KCNQ4: variants seen among roughly 807,000 people sequenced by gnomAD.
KCNQ4 encodes the protein potassium voltage-gated channel subfamily Q member 4.
Under a neutral mutation model 72.6 loss-of-function variants are expected in KCNQ4, and 31 were observed. The observed-to-expected ratio is 0.43, with a 90% CI of 0.32 to 0.58. The LOEUF is 0.58. KCNQ4 is among the 20% of genes least tolerant of loss of function. KCNQ4 has a pLI of 0.08. For synonymous variants in KCNQ4, 405 were observed against 403.7 expected (o/e 1.00, Z -0.04); for missense variants, 869 against 962.6 (o/e 0.90, Z 1.29).
chr1:40,787,403 G>A (rs924715336), intron 1 of KCNQ4, among the ~76,000 whole-genome samples: 16 of 152,318 alleles, frequency 1.1e-4, no homozygotes, highest in Admixed American at 2.0e-4. Flanking sequence ...GGCTCAGGAA[G>A]GAGGGAGCTG....
chr1:40,802,355 C>T (rs1280183194), intron 1 of KCNQ4, among the ~76,000 whole-genome samples: 2 of 152,162 alleles, frequency 1.3e-5, no homozygotes, highest in Non-Finnish European at 2.9e-5. Context: ...CCTTTCAGGC[C>T]GCCGCGTTTT....
chr1:40,819,931 G>A lies in KCNQ4; in HGVS notation c.891G>A (p.Arg297=), dbSNP rs797044971. The part of the protein sequence containing the change: ...GDKTPHTWLG[R]VLAAGFALLG... The stretch of plus-strand genomic sequence containing the variant: ...AGACACCGCACACATGGCTGGGCAG[G>A]GTCCTGGCTGCTGGCTTCGCCTTAC... The change falls in exon 6 of 14, where the codon AGG becomes AGA. Residue 297 remains arginine, a synonymous_variant. Coordinates refer to ENST00000347132, the MANE Select transcript of KCNQ4 (RefSeq NM_004700.4). 6.2e-7 allele frequency: 1 copy of A among 1,614,100 alleles called. No homozygotes were observed. Among genetic ancestry groups the A allele is most frequent in the Non-Finnish European group, 8.5e-7 (1 of 1,180,042 alleles).
intron 9 of KCNQ4, among the ~76,000 whole-genome samples, chr1:40,828,771 C>T (rs991728200): frequency 3.9e-5 from 6 of 152,214 alleles, no homozygotes; most frequent in Non-Finnish European, 1.5e-5. Flanking sequence ...GGTTTTCTTC[C>T]ACCTTCTTTT....
Position 40,831,094 on chromosome 1 carries a change from G to T in KCNQ4, c.1303G>T (p.Gly435Cys). 6.3e-7 allele frequency: 1 copy of T among 1,593,508 alleles called. No individual in the cohort carries two copies. Among genetic ancestry groups the T allele is most frequent in the Non-Finnish European group, 8.5e-7 (1 of 1,169,872 alleles). Reference protein sequence around the residue: ...SFCPGESSRMGIKDRIRMGSS... With the variant: ...SFCPGESSRMCIKDRIRMGSS... ...TGCCTGCCCTGCCAGCAGCCGGATG[G>T]GCATCAAAGACCGCATCCGCATGGG... Residue 435 changes from glycine (G) to cysteine (C), a missense_variant, in exon 10 of 14, where the codon GGC becomes TGC. This residue lies in a region of KCNQ4 where 480 missense variants were observed against 501.9 expected (regional missense o/e 0.96). Transcript: ENST00000347132.
At chr1:40,793,004 C>CTTTTTTTTTTTTTT (rs10549805) in intron 1 of KCNQ4, among the ~76,000 whole-genome samples, 5 of 109,072 alleles carry the variant, frequency 4.6e-5, no homozygotes, top group Non-Finnish European at 8.9e-5. Flanking sequence ...TTCTTTCTTT[C>CTTTTTTTTTTTTTT]TTTTTTTTTT....
chr1:40,803,074 T>C (rs1009029901), intron 1 of KCNQ4, among the ~76,000 whole-genome samples: 11 of 152,318 alleles, frequency 7.2e-5, no homozygotes, highest in Admixed American at 4.6e-4. Flanking sequence ...GAAGTTCTGC[T>C]TATCATTATT....
At chr1:40,833,845 A>T (rs967690243) in intron 11 of KCNQ4, among the ~76,000 whole-genome samples, 2 of 151,514 alleles carry the variant, frequency 1.3e-5, no homozygotes, top group Non-Finnish European at 2.9e-5. Context: ...AAAAAAAAAA[A>T]AAAAAATTAA....
intron 1 of KCNQ4, among the ~76,000 whole-genome samples, chr1:40,800,550 C>T (rs1488600255): frequency 6.6e-6 from 1 of 152,236 alleles, no homozygotes; most frequent in Non-Finnish European, 1.5e-5. Context: ...CACCCACCCA[C>T]CTACCTCTGC....
At chr1:40,793,010 T>C (rs1446048043) in intron 1 of KCNQ4, among the ~76,000 whole-genome samples, 1 of 144,434 alleles carries the variant, frequency 6.9e-6, no homozygotes, top group Admixed American at 6.8e-5. Context: ...CTTTCTTTTT[T>C]TTTTTTTTTT....
At position 40,822,293 on chromosome 1, in the gene KCNQ4, CCA is replaced by C; in HGVS notation, c.1042-19_1042-18del. On this transcript the variant is annotated intron_variant, in intron 7 of 13. Transcript: ENST00000347132. Reference sequence around the variant, plus strand: ...AGAGGCCTCACTGATGCCCCATCCCCCACGTCCCCCATACCACCAGGCTGCCT... The same window carrying C: ...AGAGGCCTCACTGATGCCCCATCCCCCGTCCCCCATACCACCAGGCTGCCT... The C allele has an allele frequency of 1.2e-6, 2 of 1,607,984 alleles. No individual in the cohort carries two copies. Among genetic ancestry groups the C allele is most frequent in the Non-Finnish European group, 1.7e-6 (2 of 1,174,612 alleles).
rs551377158 is a variant in KCNQ4, at chr1:40,788,100, C to T, written c.314+3693C>T. ...CTGGGGCCCGCAGACTCCTAACCCC[C>T]GAGCCCCCGACCTCCCACCCCGGCC... On this transcript the variant is annotated intron_variant, in intron 1 of 13. Coordinates refer to ENST00000347132, the MANE Select transcript of KCNQ4 (RefSeq NM_004700.4). This position sits in a 1 kb window ranked among gnomAD's most constrained non-coding sequence, Gnocchi z 4.5. Among the ~76,000 whole-genome samples the T allele has an allele frequency of 1.8e-4, 27 of 152,288 alleles. No individual in the cohort carries two copies. In the South Asian group the frequency reaches 3.7e-3, roughly 21 times the overall value.
intron 1 of KCNQ4, among the ~76,000 whole-genome samples, chr1:40,799,434 C>CCG (rs1647511061): frequency 1.3e-5 from 2 of 151,590 alleles, no homozygotes; most frequent in Admixed American, 6.5e-5. Context: ...TGGGCCATGC[C>CCG]CCCCCCCTCG....
chr1:40,837,844 G>T lies in KCNQ4; in HGVS notation c.1875+50G>T, dbSNP rs371897574. The T allele has an allele frequency of 7.7e-5, 121 of 1,575,952 alleles. 1 individual carries two copies. The African/African-American group carries it at 1.3e-3, about 17-fold the overall frequency. On this transcript the variant is annotated intron_variant, in intron 13 of 13. Coordinates refer to ENST00000347132, the MANE Select transcript of KCNQ4 (RefSeq NM_004700.4). ...GCTGGCCATACCAAGAAGCTCTGGG[G>T]GCCGCGGTGACATGGGGAGGATGCG...
In KCNQ4 at chr1:40,788,740, G is replaced by A. The variant is rs370496582; in HGVS notation, c.314+4333G>A. ...CGTCCATCCCAGCACCCCGCACACA[G>A]TCAGCAGGGGGTGGGCAGTGATGGC... On this transcript the variant is annotated intron_variant, in intron 1 of 13. Transcript: ENST00000347132. This position sits in a 1 kb window ranked among gnomAD's most constrained non-coding sequence, Gnocchi z 4.5. 6.6e-6 allele frequency among the ~76,000 whole-genome samples: 1 copy of A among 152,344 alleles called. No individual in the cohort carries two copies. The highest frequency in any genetic ancestry group is 1.5e-5 in the Non-Finnish European group (1 of 68,040).
In KCNQ4 at chr1:40,784,305, A is replaced by G. The variant is rs771251584; in HGVS notation, c.212A>G (p.Gln71Arg). The stretch of plus-strand genomic sequence containing the variant: ...TCCGGCTCGGGCTCCGCCTGCGGCC[A>G]GCGCTCCTCGGCCGCGCACAAGCGC... ...PGSGSGSACG[Q>R]RSSAAHKRYR... Residue 71 changes from glutamine (Q) to arginine (R), a missense_variant, in exon 1 of 14, where the codon CAG becomes CGG. Physicochemically the swap from Gln to Arg is conservative, Grantham distance 43. Coordinates refer to ENST00000347132, the MANE Select transcript of KCNQ4 (RefSeq NM_004700.4). The surrounding 1 kb of genome is among the most constrained non-coding windows in gnomAD (Gnocchi z 4.1). The G allele has an allele frequency of 1.3e-6, 2 of 1,598,938 alleles. No homozygotes were observed. The highest frequency in any genetic ancestry group is 2.3e-5 in the East Asian group (1 of 44,076).
intron 12 of KCNQ4, 44 bp downstream of exon 12, chr1:40,835,142 C>T (rs1348946212): frequency 2.8e-5 from 45 of 1,599,342 alleles, no homozygotes; most frequent in Non-Finnish European, 3.6e-5. Context: ...AGGGAGGCAG[C>T]GACCCCAGCC....
intron 1 of KCNQ4, among the ~76,000 whole-genome samples, chr1:40,812,690 G>A (rs1272640890): frequency 3.9e-5 from 6 of 152,302 alleles, no homozygotes; most frequent in African/African-American, 9.6e-5. Context: ...AGCAGCGTCC[G>A]CCAAATGGAG....
rs922203063 is a variant in KCNQ4, at chr1:40,829,503, G to T, written c.1293-1581G>T. Among the ~76,000 whole-genome samples, 7 of 152,158 alleles carry T rather than the reference G, an allele frequency of 4.6e-5. No homozygotes were observed. In the East Asian group the frequency reaches 7.8e-4, roughly 17 times the overall value. On this transcript the variant is annotated intron_variant, in intron 9 of 13. Coordinates refer to ENST00000347132, the MANE Select transcript of KCNQ4 (RefSeq NM_004700.4). ...CCCCTAAGGATGGCCCTACATCCTG[G>T]CCACCTTCCTGAAGGTGCCCCTGGT...
At chr1:40,793,162 C>A (rs895025754) in intron 1 of KCNQ4, among the ~76,000 whole-genome samples, 3 of 151,820 alleles carry the variant, frequency 2.0e-5, no homozygotes, top group Admixed American at 6.5e-5. Flanking sequence ...ACCAAGACAC[C>A]CAGCTAGTTT....
Sources: gnomAD v4.1 joint callset for allele counts (sites outside exome capture counted in the v4.1 genomes callset) on GRCh38, gnomAD v4.1.1 for gene constraint, gnomAD v4.1.1 regional missense constraint, Gnocchi (gnomAD v3.1) non-coding constraint, MANE v1.5 for transcripts, NCBI Gene and HGNC (gene_info 2026-07-23, HGNC 2026-07-21) for gene names.